Variants in ADAMTS18 observed in about 807,000 individuals in gnomAD.
ADAMTS18 encodes ADAM metallopeptidase with thrombospondin type 1 motif 18.
In ADAMTS18, 157 loss-of-function variants were observed where a neutral mutation model predicts 165.9. The ratio of observed to expected loss-of-function variants is 0.95; its 90% CI spans 0.83 to 1.08. The LOEUF is 1.08. Among genes scored for constraint, ADAMTS18 ranks in the 50% least tolerant of loss-of-function variants. The pLI is 0.00. For synonymous variants in ADAMTS18, 782 were observed against 578.2 expected (o/e 1.35, Z -5.06); for missense variants, 2,040 against 1,534.0 (o/e 1.33, Z -5.51).
chr16:77,382,603 G>C (rs994901904), intron 3 of ADAMTS18, among the ~76,000 whole-genome samples: 2 of 152,196 alleles, frequency 1.3e-5, no homozygotes, highest in Non-Finnish European at 2.9e-5. Context: ...GAAGATGAAA[G>C]AAAGCTGTTT....
At chr16:77,405,388 T>C (rs568588179) in intron 3 of ADAMTS18, among the ~76,000 whole-genome samples, 1 of 152,154 alleles carries the variant, frequency 6.6e-6, no homozygotes, top group Non-Finnish European at 1.5e-5. Flanking sequence ...TGATCATCAA[T>C]AGGACAGATT....
chr16:77,414,743 C>A (rs1035719476), intron 3 of ADAMTS18, among the ~76,000 whole-genome samples: 3 of 152,164 alleles, frequency 2.0e-5, no homozygotes, highest in African/African-American at 7.2e-5. Flanking sequence ...AAATAAACAT[C>A]TTCAAAGACA....
intron 22 of ADAMTS18, among the ~76,000 whole-genome samples, chr16:77,284,366 G>C (rs1246693661): frequency 6.6e-6 from 1 of 152,084 alleles, no homozygotes; most frequent in African/African-American, 2.4e-5. Context: ...GAGCTCAAGT[G>C]ATCTGCCTGC....
At chr16:77,306,037 A>G (rs1329488553) in intron 16 of ADAMTS18, among the ~76,000 whole-genome samples, 3 of 152,166 alleles carry the variant, frequency 2.0e-5, no homozygotes, top group Admixed American at 6.5e-5. Context: ...CCACATCACA[A>G]TAATGCCATT....
intron 16 of ADAMTS18, among the ~76,000 whole-genome samples, chr16:77,310,631 T>G (rs1458305279): frequency 7.4e-6 from 1 of 134,334 alleles, no homozygotes. Context: ...TGTCTTAACC[T>G]TTTTTTCTTT....
At chr16:77,399,894 G>A (rs1387287559) in intron 3 of ADAMTS18, among the ~76,000 whole-genome samples, 1 of 152,156 alleles carries the variant, frequency 6.6e-6, no homozygotes, top group Non-Finnish European at 1.5e-5. Flanking sequence ...ACTAATTACA[G>A]ATAGCTTTGT....
At chr16:77,391,524 T>G (rs1597215403) in intron 3 of ADAMTS18, among the ~76,000 whole-genome samples, 1 of 147,390 alleles carries the variant, frequency 6.8e-6, no homozygotes, top group African/African-American at 2.5e-5. Flanking sequence ...TTGGGACAAA[T>G]GAGCTGGAAC....
At chr16:77,344,116 T>C (rs1019097589) in intron 10 of ADAMTS18, among the ~76,000 whole-genome samples, 8 of 147,412 alleles carry the variant, frequency 5.4e-5, no homozygotes, top group Admixed American at 4.1e-4. Context: ...TGTATATATA[T>C]ATATGTATGT....
At chr16:77,349,962 T>C (rs1471403099) in intron 10 of ADAMTS18, among the ~76,000 whole-genome samples, 1 of 152,210 alleles carries the variant, frequency 6.6e-6, no homozygotes, top group African/African-American at 2.4e-5. Context: ...TGCTGGCTAC[T>C]GAGGTACAGG....
At chr16:77,399,323 T>G (rs888328905) in intron 3 of ADAMTS18, among the ~76,000 whole-genome samples, 1 of 152,164 alleles carries the variant, frequency 6.6e-6, no homozygotes, top group Non-Finnish European at 1.5e-5. Flanking sequence ...GCCAGAGAGA[T>G]GGAGAGACAC....
intron 3 of ADAMTS18, among the ~76,000 whole-genome samples, chr16:77,405,248 A>G (rs1238797945): frequency 1.3e-5 from 2 of 152,202 alleles, no homozygotes; most frequent in Admixed American, 6.5e-5. Flanking sequence ...ACTGCATTCA[A>G]AATTTTTCAA....
At chr16:77,328,162 A>C (rs904047815) in intron 12 of ADAMTS18, among the ~76,000 whole-genome samples, 1 of 152,100 alleles carries the variant, frequency 6.6e-6, no homozygotes, top group African/African-American at 2.4e-5. Context: ...GGCAGATTCT[A>C]ATCTGCAAAA....
chr16:77,375,932 T>G (rs1167949524), intron 3 of ADAMTS18, among the ~76,000 whole-genome samples: 2 of 139,928 alleles, frequency 1.4e-5, no homozygotes, highest in African/African-American at 5.4e-5. Context: ...AGACGGAGTT[T>G]GGCTCTTGTT....
At chr16:77,326,443 C>T (rs1211946074) in intron 12 of ADAMTS18, among the ~76,000 whole-genome samples, 1 of 152,148 alleles carries the variant, frequency 6.6e-6, no homozygotes, top group African/African-American at 2.4e-5. Flanking sequence ...AATGCAGTGG[C>T]GTGATCTTGG....
At chr16:77,407,425 T>C (rs2057406962) in intron 3 of ADAMTS18, among the ~76,000 whole-genome samples, 2 of 151,956 alleles carry the variant, frequency 1.3e-5, no homozygotes, top group Non-Finnish European at 1.5e-5. Context: ...TCCAAATAAA[T>C]ACCCCAGCAG....
chr16:77,409,500 G>A (rs1205107171), intron 3 of ADAMTS18, among the ~76,000 whole-genome samples: 1 of 152,130 alleles, frequency 6.6e-6, no homozygotes, highest in Non-Finnish European at 1.5e-5. Flanking sequence ...TAGTATCACA[G>A]ACATTCTGCT....
chr16:77,344,423 G>A (rs1040645010), intron 10 of ADAMTS18, among the ~76,000 whole-genome samples: 1 of 151,954 alleles, frequency 6.6e-6, no homozygotes, highest in Non-Finnish European at 1.5e-5. Context: ...AGTCATCATC[G>A]CTACGTGTTG....
intron 3 of ADAMTS18, among the ~76,000 whole-genome samples, chr16:77,395,126 A>G (rs1206675959): frequency 6.6e-6 from 1 of 152,204 alleles, no homozygotes; most frequent in East Asian, 1.9e-4. Context: ...CCATACCAGA[A>G]GAGACCTGAG....
chr16:77,287,369 G>A (rs1485878542), intron 22 of ADAMTS18, among the ~76,000 whole-genome samples: 1 of 152,146 alleles, frequency 6.6e-6, no homozygotes, highest in Non-Finnish European at 1.5e-5. Context: ...GGGAATGGGA[G>A]AAAATCCTCA....
Sources: allele counts gnomAD v4.1 joint callset (sites outside exome capture counted in the v4.1 genomes callset), GRCh38; gene constraint gnomAD v4.1.1; transcripts MANE v1.5; gene names NCBI Gene and HGNC (gene_info 2026-07-23, HGNC 2026-07-21).